FCRL5: variants seen among roughly 807,000 people sequenced by gnomAD.
FCRL5 encodes the protein Fc receptor like 5.
Under a neutral mutation model 92.1 loss-of-function variants are expected in FCRL5, and 79 were observed. The ratio of observed to expected loss-of-function variants is 0.86; its 90% confidence interval spans 0.72 to 1.03. The LOEUF (loss-of-function observed/expected upper bound fraction) is 1.03, where lower values mean the gene tolerates loss of function less well. Ranked by LOEUF, FCRL5 falls within the 50% of genes least tolerant of loss-of-function variation. The pLI is 0.00. For synonymous variants in FCRL5, 466 were observed against 469.3 expected (o/e 0.99, Z 0.09); for missense variants, 1,160 against 1,181.1 (o/e 0.98, Z 0.26).
intron 6 of FCRL5, 92 bp downstream of exon 6, chr1:157,542,767 G>GCA: frequency 1.4e-6 from 2 of 1,415,666 alleles, no homozygotes; most frequent in African/African-American, 2.9e-5. Flanking sequence ...AAGAAACTGA[G>GCA]GATACTGGAA....
chr1:157,526,875 G>T (rs531489495), intron 9 of FCRL5, among the ~76,000 whole-genome samples: 72 of 152,242 alleles, frequency 4.7e-4, no homozygotes, highest in African/African-American at 1.7e-3. Flanking sequence ...TTGTCCTTTT[G>T]GAGATGAAGT....
At position 157,514,956 on chromosome 1, in the gene FCRL5, CT is replaced by C. The variant is rs1224629094; in HGVS notation, c.*718del. ...TCCAGTATGTGTTCTGTCTGCACCC[CT>C]GGTCCTCCTGGCCTTGACTTGCTGG... is the stretch of plus-strand genomic sequence containing the variant. On this transcript the variant is annotated 3_prime_UTR_variant, in exon 17 of 17. Transcript: ENST00000361835. The C allele has an allele frequency of 6.5e-6, 1 of 153,948 alleles. No individual in the cohort carries two copies. Among genetic ancestry groups the C allele is most frequent in the African/African-American group, 2.4e-5 (1 of 41,460 alleles). The allele number at this position is 153,948 out of a possible 1,614,324, so 9.5% of individuals were successfully genotyped here.
intron 9 of FCRL5, 113 bp downstream of exon 9, chr1:157,527,504 G>A: frequency 1.8e-6 from 2 of 1,132,044 alleles, no homozygotes; most frequent in Admixed American, 2.4e-5. Flanking sequence ...CACCAAGCCT[G>A]ACAGGATGTC....
In FCRL5 at chr1:157,527,824, G is replaced by A. The variant is rs1650504458; in HGVS notation, c.1753C>T (p.Leu585Phe). ...AQAVVGDLLELHCEAPRGSPP... is the reference protein window; with the variant it reads ...AQAVVGDLLEFHCEAPRGSPP... ...GAGCCTCTCGGGGCCTCACAGTGAA[G>A]CTCCAGCAGGTCCCCCACCACAGCC... Residue 585 changes from leucine (L) to phenylalanine (F), a missense_variant, in exon 9 of 17, where the codon CTT becomes TTT. Coordinates refer to ENST00000361835, the MANE Select transcript of FCRL5 (RefSeq NM_031281.3). 3 of 1,612,778 alleles carry A rather than the reference G, an allele frequency of 1.9e-6. No individual in the cohort carries two copies. Among genetic ancestry groups the A allele is most frequent in the Admixed American group, 3.3e-5 (2 of 59,978 alleles).
Position 157,544,605 on chromosome 1 carries a change from AG to A in FCRL5, c.560-60del, listed in dbSNP as rs374983701. 5.1e-4 allele frequency: 808 copies of A among 1,576,976 alleles called. 1 individual carries two copies. The highest frequency in any genetic ancestry group is 6.3e-4 in the Non-Finnish European group (730 of 1,153,810). On this transcript the variant is annotated intron_variant, in intron 4 of 16. Coordinates refer to ENST00000361835, the MANE Select transcript of FCRL5 (RefSeq NM_031281.3). Reference sequence around the variant, plus strand: ...TGAGGCTGGAACTGCTTTGGAGAAAAGCACACTTCAAGCAGCAGCACATCCA... The same window carrying A: ...TGAGGCTGGAACTGCTTTGGAGAAAACACACTTCAAGCAGCAGCACATCCA...
chr1:157,549,312 C>T (rs1377456796), intron 2 of FCRL5, among the ~76,000 whole-genome samples: 1 of 150,832 alleles, frequency 6.6e-6, no homozygotes, highest in Non-Finnish European at 1.5e-5. Context: ...GGAGGGATAG[C>T]ATTAGGAGAT....
chr1:157,547,660 A>T (rs1384617983), intron 2 of FCRL5, among the ~76,000 whole-genome samples: 5 of 152,222 alleles, frequency 3.3e-5, no homozygotes, highest in Non-Finnish European at 7.3e-5. Flanking sequence ...CATTTTGTAG[A>T]TGATGATTCA....
Position 157,552,438 on chromosome 1 carries a change from A to T in FCRL5, c.-76T>A. 6.8e-7 allele frequency: 1 copy of T among 1,471,136 alleles called. No homozygotes were observed. The highest frequency in any genetic ancestry group is 1.1e-5 in the South Asian group (1 of 88,170). 91.1% of individuals were successfully genotyped at this position (1,471,136 alleles called of 1,614,324 possible). A position where few individuals can be genotyped will look rare whatever the true frequency, so the allele number is the denominator to read the frequency against. On this transcript the variant is annotated 5_prime_UTR_variant, in exon 1 of 17. Coordinates refer to ENST00000361835, the MANE Select transcript of FCRL5 (RefSeq NM_031281.3). ...CCAAAACAGGTTTGGACTTGATCTT[A>T]CAGTCAGGACACTGCACACCAGCTC...
chr1:157,516,003 C>T lies in FCRL5; in HGVS notation c.2813-130G>A. On this transcript the variant is annotated intron_variant, in intron 15 of 16. Transcript: ENST00000361835. ...CTCTGTGCGGTGAGTAGCCATTCCTCTTAGTTGGTGCTCACCCAGTCCCTC... is the reference window on the plus strand; with the variant it reads ...CTCTGTGCGGTGAGTAGCCATTCCTTTTAGTTGGTGCTCACCCAGTCCCTC... 4.1e-6 allele frequency: 4 copies of T among 977,926 alleles called. No homozygotes were observed. In the South Asian group the frequency reaches 5.5e-5, roughly 14 times the overall value. The allele number at this position is 977,926 out of a possible 1,614,324, so 60.6% of individuals were successfully genotyped here.
Position 157,515,636 on chromosome 1 carries a change from G to A in FCRL5, c.*39C>T, listed in dbSNP as rs140510603. The A allele has an allele frequency of 1.2e-6, 2 of 1,614,172 alleles. No individual in the cohort carries two copies. Among genetic ancestry groups the A allele is most frequent in the Non-Finnish European group, 1.7e-6 (2 of 1,180,038 alleles). On this transcript the variant is annotated 3_prime_UTR_variant, in exon 17 of 17. Coordinates refer to ENST00000361835, the MANE Select transcript of FCRL5 (RefSeq NM_031281.3). ...CTTCTCCCCCAAGGGGAACTTTGGG[G>A]TGCAGAGGCTGAAACAGCAGTTGGA...
chr1:157,516,523 C>T (rs570558467), intron 15 of FCRL5, among the ~76,000 whole-genome samples: 1 of 152,186 alleles, frequency 6.6e-6, no homozygotes, highest in African/African-American at 2.4e-5. Context: ...TCTCTATTAT[C>T]ATATGTATGC....
rs1571116447 is a variant in FCRL5, at chr1:157,549,439, A to G, written c.52+121T>C. ...ACCCTAAAACTTAAAGTATAATAAA[A>G]AAAAGGAAAGAAAACAGGAGATATT... On this transcript the variant is annotated intron_variant, in intron 2 of 16. Coordinates refer to ENST00000361835, the MANE Select transcript of FCRL5 (RefSeq NM_031281.3). The G allele has an allele frequency of 6.4e-6, 6 of 934,370 alleles. No homozygotes were observed. In the East Asian group the frequency reaches 1.3e-4, roughly 20 times the overall value. The allele number at this position is 934,370 out of a possible 1,614,324, so 57.9% of individuals were successfully genotyped here. A position where few individuals can be genotyped will look rare whatever the true frequency, so the allele number is the denominator to read the frequency against.
chr1:157,544,735 G>C, intron 4 of FCRL5, 96 bp downstream of exon 4: 1 of 1,515,826 alleles, frequency 6.6e-7, no homozygotes, highest in East Asian at 2.3e-5. Context: ...GTGGTTTAGT[G>C]GTATTCCAGT....
intron 10 of FCRL5, chr1:157,521,922 CT>C (rs1650217292): frequency 6.6e-6 from 1 of 152,158 alleles, no homozygotes; most frequent in Non-Finnish European, 1.5e-5. Flanking sequence ...CAATATATTT[CT>C]ACAAGAATTT....
chr1:157,515,136 G>A lies in FCRL5; in HGVS notation c.*539C>T. The stretch of plus-strand genomic sequence containing the variant: ...GACAGGTGGAGGAGTGTGAAATGCA[G>A]CCCCCGTGGGGAGACCCATCACATG... On this transcript the variant is annotated 3_prime_UTR_variant, in exon 17 of 17. Transcript: ENST00000361835. The A allele has an allele frequency of 6.0e-6, 1 of 168,038 alleles. No homozygotes were observed. The highest frequency in any genetic ancestry group is 1.3e-5 in the Non-Finnish European group (1 of 76,106). The allele number at this position is 168,038 out of a possible 1,614,324, so 10.4% of individuals were successfully genotyped here.
intron 3 of FCRL5, 66 bp from the exon 4 acceptor site, chr1:157,545,148 C>A (rs1651470724): frequency 3.9e-6 from 6 of 1,530,066 alleles, no homozygotes; most frequent in South Asian, 1.3e-5. Flanking sequence ...CATTGTTTTT[C>A]CAAGTAGATT....
intron 2 of FCRL5, among the ~76,000 whole-genome samples, chr1:157,548,726 C>T (rs563347919): frequency 2.0e-5 from 3 of 152,252 alleles, no homozygotes; most frequent in African/African-American, 7.2e-5. Flanking sequence ...AAATCAAAAC[C>T]ACAATGAGAT....
rs1319824549 is a variant in FCRL5 at position 157,515,671 on chromosome 1, G to A, written c.*4C>T. On this transcript the variant is annotated 3_prime_UTR_variant, in exon 17 of 17. Transcript: ENST00000361835. ...TGAAACAGCAGTTGGAGAGACGTGT[G>A]GACTCATCTGTGAGGAGCTGAGGAA... 9.3e-6 allele frequency: 15 copies of A among 1,614,050 alleles called. No homozygotes were observed. The highest frequency in any genetic ancestry group is 8.0e-5 in the African/African-American group (6 of 74,918).
At chr1:157,526,795 C>A (rs1571083615) in intron 9 of FCRL5, among the ~76,000 whole-genome samples, 2 of 151,884 alleles carry the variant, frequency 1.3e-5, no homozygotes, top group Non-Finnish European at 2.9e-5. Flanking sequence ...GGTCTGAGAA[C>A]AATAGTGATA....
Sources: allele counts gnomAD v4.1 joint callset (sites outside exome capture counted in the v4.1 genomes callset), GRCh38; gene constraint gnomAD v4.1.1; transcripts MANE v1.5; gene names NCBI Gene and HGNC (gene_info 2026-07-23, HGNC 2026-07-21).